The following NWD2 variants were observed in gnomAD, a reference collection of about 807,000 sequenced individuals.
The protein encoded by NWD2 is NACHT and WD repeat domain-containing protein 2.
A neutral mutation model predicts 132.7 loss-of-function variants in NWD2; 37 were observed. That is an observed-to-expected ratio of 0.28 (90% CI 0.21 to 0.37). The LOEUF is 0.37. Among genes scored for constraint, NWD2 ranks in the 10% least tolerant of loss-of-function variants. NWD2 has a pLI of 1.00. For synonymous variants in NWD2, 705 were observed against 803.0 expected, an observed-to-expected ratio of 0.88 and a Z score of 2.06; for missense variants, 1,592 against 2,122.4, an observed-to-expected ratio of 0.75 and a Z score of 4.91.
intron 2 of NWD2, among the ~76,000 whole-genome samples, chr4:37,345,944 G>A (rs1437383408): frequency 6.6e-6 from 1 of 152,032 alleles, no homozygotes; most frequent in Non-Finnish European, 1.5e-5. Flanking sequence ...AGCCAGGCAT[G>A]GTGGCGGGCA....
chr4:37,409,904 C>T (rs1015339811), intron 3 of NWD2, among the ~76,000 whole-genome samples: 3 of 152,158 alleles, frequency 2.0e-5, no homozygotes. Context: ...TCCAGCCAAA[C>T]TAAGCTTCAT....
intron 1 of NWD2, among the ~76,000 whole-genome samples, chr4:37,317,843 A>G (rs1206826477): frequency 6.6e-6 from 1 of 152,184 alleles, no homozygotes; most frequent in African/African-American, 2.4e-5. Flanking sequence ...AACATAGTCA[A>G]CTATTACTTG....
At chr4:37,407,154 GC>G (rs1721059058) in intron 3 of NWD2, among the ~76,000 whole-genome samples, 1 of 152,140 alleles carries the variant, frequency 6.6e-6, no homozygotes. Flanking sequence ...GTTGATAGGT[GC>G]AGCAAACCAC....
At chr4:37,268,047 G>T (rs1717793975) in intron 1 of NWD2, among the ~76,000 whole-genome samples, 9 of 151,786 alleles carry the variant, frequency 5.9e-5, no homozygotes, top group Admixed American at 5.9e-4. Context: ...AAATAGATTT[G>T]TATTTGGAAG....
intron 2 of NWD2, among the ~76,000 whole-genome samples, chr4:37,351,625 C>A (rs1280022307): frequency 6.6e-6 from 1 of 151,890 alleles, no homozygotes. Flanking sequence ...TTCAAAAAAA[C>A]AGCTCCTGGA....
chr4:37,310,854 A>T (rs1718825780), intron 1 of NWD2, among the ~76,000 whole-genome samples: 2 of 137,210 alleles, frequency 1.5e-5, no homozygotes, highest in Admixed American at 8.3e-5. Flanking sequence ...TCATTGTTCA[A>T]TTCCCACCTA....
chr4:37,376,421 TATTA>T (rs572616873), intron 3 of NWD2, among the ~76,000 whole-genome samples: 3 of 152,366 alleles, frequency 2.0e-5, no homozygotes, highest in South Asian at 2.1e-4. Flanking sequence ...TGGAATTTTT[TATTA>T]ATTCCTGCCT....
At position 37,446,280 on chromosome 4, in the gene NWD2, G is replaced by A. The variant is rs1474811938; in HGVS notation, c.4292G>A (p.Arg1431Lys). The A allele has an allele frequency of 3.9e-6, 6 of 1,551,588 alleles. No homozygotes were observed. The Admixed American group carries it at 7.8e-5, about 20-fold the overall frequency. ...SRVWRLATGH[R>K]VCNILTTLQN... ...GTTTGGAGGCTCGCCACAGGCCACA[G>A]GGTCTGCAACATTCTGACCACTTTG... The change falls in exon 7 of 7, where the codon AGG (arginine) becomes AAG (lysine). Residue 1431 changes from arginine (R) to lysine (K), a missense_variant. This residue lies in a region of NWD2 where 24 missense variants were observed against 65.2 expected (regional missense o/e 0.37). Coordinates refer to ENST00000309447, the MANE Select transcript of NWD2 (RefSeq NM_001144990.2). The surrounding 1 kb of genome is among the most constrained non-coding windows in gnomAD (Gnocchi z 6.7).
chr4:37,260,042 T>C (rs1466853715), intron 1 of NWD2, among the ~76,000 whole-genome samples: 5 of 152,244 alleles, frequency 3.3e-5, no homozygotes, highest in African/African-American at 1.2e-4. Flanking sequence ...ACATTATTTT[T>C]ATGGGCAGTT....
intron 6 of NWD2, among the ~76,000 whole-genome samples, chr4:37,442,706 T>C (rs6839245): frequency 0.16 from 24,900 of 152,156 alleles, 2,295 homozygotes; most frequent in South Asian, 0.2. Flanking sequence ...TATAACACCA[T>C]AAAATTATCT....
At chr4:37,274,262 C>T (rs1401595944) in intron 1 of NWD2, among the ~76,000 whole-genome samples, 1 of 152,076 alleles carries the variant, frequency 6.6e-6, no homozygotes, top group South Asian at 2.1e-4. Flanking sequence ...ACCACCGATC[C>T]CACAGAAATA....
intron 1 of NWD2, among the ~76,000 whole-genome samples, chr4:37,309,908 C>G (rs757500116): frequency 5.3e-5 from 8 of 152,306 alleles, no homozygotes; most frequent in South Asian, 2.1e-4. Context: ...ATCACTTTAG[C>G]CTTTTTGTGT....
At chr4:37,328,640 G>C (rs1719224912) in intron 2 of NWD2, among the ~76,000 whole-genome samples, 1 of 151,228 alleles carries the variant, frequency 6.6e-6, no homozygotes, top group Non-Finnish European at 1.5e-5. Flanking sequence ...TATCCAGTCT[G>C]TCATTGATGG....
intron 3 of NWD2, among the ~76,000 whole-genome samples, chr4:37,401,767 A>G (rs1294559602): frequency 6.6e-6 from 1 of 152,152 alleles, no homozygotes; most frequent in African/African-American, 2.4e-5. Flanking sequence ...TGGTTCTTTG[A>G]ACATCCATGC....
At chr4:37,317,089 G>T (rs1039063651) in intron 1 of NWD2, among the ~76,000 whole-genome samples, 1 of 152,144 alleles carries the variant, frequency 6.6e-6, no homozygotes, top group Non-Finnish European at 1.5e-5. Context: ...TGATTTTTCA[G>T]AATTTCTTCT....
chr4:37,360,201 A>G (rs1180696229), intron 3 of NWD2, among the ~76,000 whole-genome samples: 3 of 152,234 alleles, frequency 2.0e-5, no homozygotes, highest in Non-Finnish European at 4.4e-5. Context: ...ATGTGATAAT[A>G]TATGTATGAG....
chr4:37,375,663 G>C (rs1228768630), intron 3 of NWD2, among the ~76,000 whole-genome samples: 1 of 151,682 alleles, frequency 6.6e-6, no homozygotes, highest in Non-Finnish European at 1.5e-5. Flanking sequence ...CCGCCTCCCG[G>C]GTTCACACCA....
At chr4:37,325,863 A>T (rs1279501847) in intron 1 of NWD2, 73 bp from the exon 2 acceptor site, 1 of 824,284 alleles carries the variant, frequency 1.2e-6, no homozygotes, top group Non-Finnish European at 2.0e-6. Context: ...ATTTATTTTT[A>T]GGTTTTCATT....
At position 37,445,342 on chromosome 4, in the gene NWD2, C is replaced by T. The variant is rs1243936456; in HGVS notation, c.3354C>T (p.Tyr1118=). Residue 1118 remains tyrosine, a synonymous_variant, in exon 7 of 7, where the codon TAC becomes TAT. Coordinates refer to ENST00000309447, the MANE Select transcript of NWD2 (RefSeq NM_001144990.2). The surrounding 1 kb of genome is among the most constrained non-coding windows in gnomAD (Gnocchi z 4.7). ...LDGLYAFCGQ[Y]LNTTTIFHLG... is the part of the protein sequence containing the mutation. ...GTCTGTATGCTTTCTGTGGCCAATA[C>T]CTGAACACAACCACCATATTTCATT... 2.6e-6 allele frequency: 4 copies of T among 1,552,020 alleles called. No homozygotes were observed. The highest frequency in any genetic ancestry group is 3.5e-6 in the Non-Finnish European group (4 of 1,147,104).
Sources: allele counts gnomAD v4.1 joint callset (sites outside exome capture counted in the v4.1 genomes callset), GRCh38; gene constraint gnomAD v4.1.1; regional missense constraint gnomAD v4.1.1; non-coding constraint Gnocchi (gnomAD v3.1); transcripts MANE v1.5; gene names NCBI Gene and HGNC (gene_info 2026-07-23, HGNC 2026-07-21).